ATP11A: variants seen among roughly 807,000 people sequenced by gnomAD.
The protein encoded by ATP11A is phospholipid-transporting ATPase IH.
A neutral mutation model predicts 154.4 loss-of-function variants in ATP11A; 81 were observed. The ratio of observed to expected loss-of-function variants is 0.52; its 90% CI spans 0.44 to 0.63. ATP11A has a LOEUF of 0.63. Ranked by LOEUF, ATP11A falls within the 30% of genes least tolerant of loss-of-function variation. The pLI, the probability that ATP11A is intolerant of heterozygous loss-of-function variation, is 0.00. For synonymous variants in ATP11A, 623 were observed against 585.9 expected, an observed-to-expected ratio of 1.06 and a Z score of -0.91; for missense variants, 1,316 against 1,474.3, an observed-to-expected ratio of 0.89 and a Z score of 1.76.
At chr13:112,786,984 C>T in intron 2 of ATP11A, among the ~76,000 whole-genome samples, 1 of 150,160 alleles carries the variant, frequency 6.7e-6, no homozygotes, top group Non-Finnish European at 1.5e-5. Context: ...GATGCGTAGA[C>T]CCCTGTGGAG....
chr13:112,805,009 T>C lies in ATP11A; in HGVS notation c.215T>C (p.Val72Ala). The change falls in exon 3 of 30, where the codon GTA becomes GCA. Residue 72 changes from valine to alanine, a missense_variant. Coordinates refer to ENST00000375645, the MANE Select transcript of ATP11A (RefSeq NM_015205.3). ...AATTTATTTGAACAATTCAGAAGAG[T>C]AGCCAACTTTTATTTCCTTATCATA... ...PKNLFEQFRR[V>A]ANFYFLIIFL... The C allele has an allele frequency of 1.2e-6, 2 of 1,612,146 alleles. No homozygotes were observed. Among genetic ancestry groups the C allele is most frequent in the Non-Finnish European group, 1.7e-6 (2 of 1,179,304 alleles).
chr13:112,714,462 C>G (rs937670855), intron 1 of ATP11A, among the ~76,000 whole-genome samples: 1 of 152,166 alleles, frequency 6.6e-6, no homozygotes, highest in African/African-American at 2.4e-5. Context: ...CCTTCCCCTT[C>G]CCTTTCTCCC....
At chr13:112,706,339 A>G (rs1887135651) in intron 1 of ATP11A, among the ~76,000 whole-genome samples, 1 of 152,248 alleles carries the variant, frequency 6.6e-6, no homozygotes, top group Non-Finnish European at 1.5e-5. Flanking sequence ...CATACTTGAT[A>G]GTAAGAGACA....
At chr13:112,748,905 C>CGTTTGTTA (rs2076622730) in intron 1 of ATP11A, among the ~76,000 whole-genome samples, 1 of 152,242 alleles carries the variant, frequency 6.6e-6, no homozygotes, top group South Asian at 2.1e-4. Flanking sequence ...TTAACACTCG[C>CGTTTGTTA]GTTTGTTAAA....
At chr13:112,740,154 A>ATATATATATCTC (rs1555311744) in intron 1 of ATP11A, among the ~76,000 whole-genome samples, 18 of 139,606 alleles carry the variant, frequency 1.3e-4, no homozygotes, top group African/African-American at 4.8e-4. Flanking sequence ...CTCTCTATAT[A>ATATATATATCTC]TATATATATA....
chr13:112,831,958 C>T (rs2079102045), intron 13 of ATP11A, among the ~76,000 whole-genome samples: 1 of 127,914 alleles, frequency 7.8e-6, no homozygotes, highest in Admixed American at 7.5e-5. Context: ...TGCAGACACA[C>T]ACACTCACAC....
intron 25 of ATP11A, among the ~76,000 whole-genome samples, chr13:112,863,303 A>G: frequency 1.4e-5 from 2 of 142,106 alleles, no homozygotes; most frequent in African/African-American, 5.2e-5. Context: ...CCACCTGCGC[A>G]GTAATTCAGT....
chr13:112,788,753 A>G (rs557544925), intron 2 of ATP11A, among the ~76,000 whole-genome samples: 17 of 151,570 alleles, frequency 1.1e-4, no homozygotes, highest in South Asian at 4.2e-4. Context: ...ATGTAGACCT[A>G]TTTAATTCAC....
Position 112,862,492 on chromosome 13 carries a change from C to T in ATP11A, c.2908C>T (p.Leu970Phe), listed in dbSNP as rs373271055. The T allele has an allele frequency of 2.1e-5, 34 of 1,614,064 alleles. No individual in the cohort carries two copies. The highest frequency in any genetic ancestry group is 6.7e-5 in the East Asian group (3 of 44,904). ...CTGGCGCGTGTTCATCTACTGGACG[C>T]TCCTGGGACTGTTTGACGCACTGGT... ...LRWRVFIYWT[L>F]LGLFDALVFF... Residue 970 changes from leucine to phenylalanine, a missense_variant, in exon 25 of 30, where the codon CTC becomes TTC. Transcript: ENST00000375645.
At chr13:112,765,371 T>G (rs1424355220) in intron 1 of ATP11A, among the ~76,000 whole-genome samples, 1 of 152,012 alleles carries the variant, frequency 6.6e-6, no homozygotes, top group African/African-American at 2.4e-5. Context: ...GGTCCTGGCC[T>G]GGGGGGGTCG....
intron 1 of ATP11A, among the ~76,000 whole-genome samples, chr13:112,762,592 T>A (rs964834218): frequency 1.3e-5 from 2 of 151,908 alleles, no homozygotes; most frequent in African/African-American, 4.8e-5. Context: ...TACAGACGGG[T>A]GTGTTGGGTG....
chr13:112,770,224 T>A (rs1400851966), intron 1 of ATP11A, among the ~76,000 whole-genome samples: 1 of 152,216 alleles, frequency 6.6e-6, no homozygotes, highest in Admixed American at 6.5e-5. Context: ...CTGGACCCAG[T>A]AAACTATGGT....
chr13:112,854,595 T>C, intron 19 of ATP11A, 65 bp downstream of exon 19: 1 of 1,534,018 alleles, frequency 6.5e-7, no homozygotes, highest in South Asian at 1.2e-5. Context: ...CCCAGTGGCC[T>C]TCACCTGCAA....
chr13:112,784,331 T>G (rs987690392), intron 1 of ATP11A, among the ~76,000 whole-genome samples: 2 of 152,192 alleles, frequency 1.3e-5, no homozygotes. Context: ...GCATGTCTTA[T>G]GGAAAGCTGC....
At chr13:112,781,665 G>T (rs948188268) in intron 1 of ATP11A, among the ~76,000 whole-genome samples, 2 of 151,442 alleles carry the variant, frequency 1.3e-5, no homozygotes, top group African/African-American at 4.9e-5. Flanking sequence ...CGTGTTTTCG[G>T]CTCTGTTCCT....
chr13:112,741,777 C>G (rs1891578204), intron 1 of ATP11A, among the ~76,000 whole-genome samples: 1 of 152,170 alleles, frequency 6.6e-6, no homozygotes, highest in Non-Finnish European at 1.5e-5. Context: ...CTCTGTGCAT[C>G]AGGGCCTTTA....
At position 112,696,091 on chromosome 13, in the gene ATP11A, C is replaced by T. The variant is rs1341346556; in HGVS notation, c.39+5636C>T. On this transcript the variant is annotated intron_variant, in intron 1 of 29. Transcript: ENST00000375645. This position sits in a 1 kb window ranked among gnomAD's most constrained non-coding sequence, Gnocchi z 6.2. ...CTGCGTGGCCTTGGCAAGTTGGTTG[C>T]CCCCTGTACGCTTGGTGCCCCATCT... Among the ~76,000 whole-genome samples, 2 of 152,174 alleles carry T rather than the reference C, an allele frequency of 1.3e-5. No homozygotes were observed. Among genetic ancestry groups the T allele is most frequent in the African/African-American group, 4.8e-5 (2 of 41,440 alleles).
rs149278093 is a variant in ATP11A at position 112,789,675 on chromosome 13, C to T, written c.162+4418C>T. 3.5e-3 allele frequency among the ~76,000 whole-genome samples: 529 copies of T among 150,476 alleles called. 5 individuals carry two copies. The highest frequency in any genetic ancestry group is 0.012 in the African/African-American group (479 of 40,672). On this transcript the variant is annotated intron_variant, in intron 2 of 29. Coordinates refer to ENST00000375645, the MANE Select transcript of ATP11A (RefSeq NM_015205.3). ...CTGTGGAGACCTACTTAATTCACAC[C>T]GGGTATTCTGACGTGTAGACCCCTG...
At chr13:112,797,699 G>T (rs1162357128) in intron 2 of ATP11A, among the ~76,000 whole-genome samples, 1 of 152,198 alleles carries the variant, frequency 6.6e-6, no homozygotes, top group Non-Finnish European at 1.5e-5. Context: ...TCGTGAAGGA[G>T]AAATAAAGAC....
Sources: allele counts gnomAD v4.1 joint callset (sites outside exome capture counted in the v4.1 genomes callset), GRCh38; gene constraint gnomAD v4.1.1; non-coding constraint Gnocchi (gnomAD v3.1); transcripts MANE v1.5; gene names NCBI Gene and HGNC (gene_info 2026-07-23, HGNC 2026-07-21).